BICRAL: variants seen among roughly 807,000 people sequenced by gnomAD.
BICRAL encodes BRD4-interacting chromatin-remodeling complex-associated protein-like.
BICRAL carries 8 observed loss-of-function variants against 91.8 expected under a neutral mutation model. The ratio of observed to expected loss-of-function variants is 0.09; its 90% CI spans 0.05 to 0.16. The LOEUF (loss-of-function observed/expected upper bound fraction) is 0.16. BICRAL is among the 10% of genes least tolerant of loss of function. BICRAL has a pLI of 1.00. For missense variants in BICRAL, 1,038 were observed against 1,310.9 expected, an observed-to-expected ratio of 0.79 and a Z score of 3.21; for synonymous variants, 445 against 491.1, an observed-to-expected ratio of 0.91 and a Z score of 1.24.
chr6:42,791,285 C>T (rs973781530), intron 1 of BICRAL, among the ~76,000 whole-genome samples: 6 of 152,100 alleles, frequency 3.9e-5, no homozygotes, highest in African/African-American at 1.2e-4. Context: ...GATTTGTTTA[C>T]TTATAAATTT....
At chr6:42,819,238 G>C (rs1764074241) in intron 2 of BICRAL, among the ~76,000 whole-genome samples, 2 of 152,076 alleles carry the variant, frequency 1.3e-5, no homozygotes, top group Admixed American at 1.3e-4. Context: ...TAGGTCATTA[G>C]TGACTGATCT....
upstream of BICRAL, among the ~76,000 whole-genome samples, chr6:42,778,669 T>C (rs1420292348): frequency 1.3e-5 from 2 of 152,172 alleles, no homozygotes; most frequent in Non-Finnish European, 2.9e-5. Flanking sequence ...AGAGGATAGC[T>C]TTCCGAAATC....
chr6:42,846,307 G>A (rs1012023484), intron 6 of BICRAL, among the ~76,000 whole-genome samples: 3 of 152,016 alleles, frequency 2.0e-5, no homozygotes, highest in African/African-American at 7.3e-5. Flanking sequence ...GGCGGAGGTA[G>A]CAGTAAGCTG....
At chr6:42,817,158 GTGTGTGTGTGTGTGTATATA>G (rs1764017537) in intron 2 of BICRAL, among the ~76,000 whole-genome samples, 1 of 151,574 alleles carries the variant, frequency 6.6e-6, no homozygotes, top group South Asian at 2.1e-4. Context: ...ATGTGTGTGT[GTGTGTGTGTGTGTGTATATA>G]TGTGTGTGTG....
intron 1 of BICRAL, among the ~76,000 whole-genome samples, chr6:42,793,063 T>G (rs895162984): frequency 6.7e-6 from 1 of 148,824 alleles, no homozygotes; most frequent in Non-Finnish European, 1.5e-5. Context: ...TAAGTGATTC[T>G]TGTGCCTCAG....
chr6:42,787,663 A>C (rs567734363), intron 1 of BICRAL, among the ~76,000 whole-genome samples: 2 of 152,340 alleles, frequency 1.3e-5, no homozygotes, highest in South Asian at 4.1e-4. Context: ...ACCTCTGTCA[A>C]ATGCTGCTGA....
intron 8 of BICRAL, among the ~76,000 whole-genome samples, chr6:42,854,972 A>G (rs1270655079): frequency 6.6e-6 from 1 of 152,210 alleles, no homozygotes; most frequent in African/African-American, 2.4e-5. Flanking sequence ...TCAGCTTACT[A>G]AGACAGTTTC....
intron 2 of BICRAL, among the ~76,000 whole-genome samples, chr6:42,811,980 C>T (rs921342824): frequency 1.8e-4 from 27 of 152,250 alleles, no homozygotes; most frequent in Admixed American, 9.8e-4. Context: ...TGTAAAGAAA[C>T]TTTGTAAAGT....
rs544451127 is a variant in BICRAL at position 42,776,423 on chromosome 6, C to G, written c.-260-5416C>G. Among the ~76,000 whole-genome samples, 243 of 152,178 alleles carry G rather than the reference C, an allele frequency of 1.6e-3. 1 individual carries two copies. The highest frequency in any genetic ancestry group is 5.5e-3 in the African/African-American group (228 of 41,518). On this transcript the variant is annotated intron_variant, in intron 1 of 14. Transcript: ENST00000614467. The stretch of plus-strand genomic sequence containing the variant: ...AGTGCAGTGGCTTGATCATGGCTCA[C>G]TACAGACTCAACCTCCCAGACTCAA...
At chr6:42,812,193 C>T (rs753665915) in intron 2 of BICRAL, among the ~76,000 whole-genome samples, 2 of 152,128 alleles carry the variant, frequency 1.3e-5, no homozygotes, top group Non-Finnish European at 2.9e-5. Flanking sequence ...GATGAGGTGG[C>T]TTATGCCTGT....
chr6:42,803,302 TC>T (rs1391266368), intron 1 of BICRAL, among the ~76,000 whole-genome samples: 1 of 152,218 alleles, frequency 6.6e-6, no homozygotes, highest in Non-Finnish European at 1.5e-5. Context: ...AACTTGTATT[TC>T]CTTACGCCTG....
Position 42,832,543 on chromosome 6 carries a change from G to A in BICRAL, c.1839+2371G>A, listed in dbSNP as rs1323925176. ...GATTGCTTATGATTAAGGATGTTCA[G>A]TTTATTTGTTTTGGTTTCAAAGATA... is the stretch of plus-strand genomic sequence containing the variant. On this transcript the variant is annotated intron_variant, in intron 6 of 12. Coordinates refer to ENST00000314073, the MANE Select transcript of BICRAL (RefSeq NM_001393499.1). 4.7e-5 allele frequency among the ~76,000 whole-genome samples: 7 copies of A among 150,192 alleles called. No homozygotes were observed. The Admixed American group carries it at 4.7e-4, about 10-fold the overall frequency.
chr6:42,865,128 CA>C lies in BICRAL; in HGVS notation c.2926del (p.Ser976ValfsTer2). The C allele has an allele frequency of 6.2e-7, 1 of 1,614,058 alleles. No homozygotes were observed. Among genetic ancestry groups the C allele is most frequent in the Non-Finnish European group, 8.5e-7 (1 of 1,179,970 alleles). ...EMTCNNSFQD[K>X]SLRNSPKNEV... ...TGACGTGTAACAATTCCTTCCAGGA[CA>C]AAAGTCTGAGGAATTCTCCAAAGAA... On this transcript the variant is annotated frameshift_variant, in exon 13 of 13. Coordinates refer to ENST00000314073, the MANE Select transcript of BICRAL (RefSeq NM_001393499.1). LOFTEE classifies it high-confidence loss of function.
intron 1 of BICRAL, among the ~76,000 whole-genome samples, chr6:42,754,531 A>G (rs1762431116): frequency 6.6e-6 from 1 of 152,234 alleles, no homozygotes; most frequent in Admixed American, 6.5e-5. Flanking sequence ...AGATGTTTTA[A>G]GAAACAATAA....
At chr6:42,855,603 G>C (rs983539779) in intron 8 of BICRAL, among the ~76,000 whole-genome samples, 4 of 152,040 alleles carry the variant, frequency 2.6e-5, no homozygotes, top group Admixed American at 2.6e-4. Flanking sequence ...AGGCATTCAG[G>C]CTTTAAAGTG....
intron 6 of BICRAL, among the ~76,000 whole-genome samples, chr6:42,840,767 G>A (rs960185694): frequency 1.4e-4 from 21 of 151,860 alleles, no homozygotes; most frequent in East Asian, 7.8e-4. Flanking sequence ...AAAGGATTTC[G>A]TAGATTCAAA....
rs150351396 is a variant in BICRAL at position 42,775,774 on chromosome 6, C to T, written c.-260-6065C>T. Reference sequence around the variant, plus strand: ...GTCAAGGAAAATAACCAGCTTGAAACATGTCATTTAATATAGAGACAAATA... The same window carrying T: ...GTCAAGGAAAATAACCAGCTTGAAATATGTCATTTAATATAGAGACAAATA... On this transcript the variant is annotated intron_variant, in intron 1 of 14. Coordinates refer to the BICRAL transcript ENST00000614467. Among the ~76,000 whole-genome samples, 748 of 152,210 alleles carry T rather than the reference C, an allele frequency of 4.9e-3. 4 individuals are homozygous for T. Among genetic ancestry groups the T allele is most frequent in the African/African-American group, 0.017 (708 of 41,506 alleles).
intron 6 of BICRAL, among the ~76,000 whole-genome samples, chr6:42,851,454 C>T (rs980234993): frequency 1.3e-5 from 2 of 152,124 alleles, no homozygotes; most frequent in Admixed American, 1.3e-4. Flanking sequence ...TTCATCTTCC[C>T]CATTTATAGA....
At chr6:42,848,708 G>A (rs115762943) in intron 6 of BICRAL, among the ~76,000 whole-genome samples, 1 of 152,042 alleles carries the variant, frequency 6.6e-6, no homozygotes, top group South Asian at 2.1e-4. Flanking sequence ...GCCAGGCTTG[G>A]TGGCACACAC....
Sources: gnomAD v4.1 joint callset for allele counts (sites outside exome capture counted in the v4.1 genomes callset) on GRCh38, gnomAD v4.1.1 for gene constraint, MANE v1.5 for transcripts, NCBI Gene and HGNC (gene_info 2026-07-23, HGNC 2026-07-21) for gene names.